CRB1: variants seen among roughly 807,000 people sequenced by gnomAD.
The protein encoded by CRB1 is protein crumbs homolog 1.
A neutral mutation model predicts 120.0 loss-of-function variants in CRB1; 83 were observed. The ratio of observed to expected loss-of-function variants is 0.69; its 90% CI spans 0.58 to 0.83. The LOEUF is 0.83. Ranked by LOEUF, CRB1 falls within the 40% of genes least tolerant of loss-of-function variation. The pLI is 0.00. For synonymous variants in CRB1, 625 were observed against 612.5 expected (o/e 1.02, Z -0.30); for missense variants, 1,699 against 1,687.6 (o/e 1.01, Z -0.12).
intron 1 of CRB1, among the ~76,000 whole-genome samples, chr1:197,278,684 A>G (rs7548481): frequency 0.35 from 52,757 of 151,878 alleles, 11,569 homozygotes; most frequent in East Asian, 0.77. Context: ...TTTGGAACAA[A>G]TAATGTTTTC....
At chr1:197,437,525 A>G (rs1665222991) in intron 9 of CRB1, among the ~76,000 whole-genome samples, 1 of 152,188 alleles carries the variant, frequency 6.6e-6, no homozygotes, top group African/African-American at 2.4e-5. Context: ...AATACCTTCT[A>G]ATGAGATTCA....
the CRB1 span, among the ~76,000 whole-genome samples, chr1:197,240,072 T>A: frequency 6.6e-6 from 1 of 151,990 alleles, no homozygotes; most frequent in Non-Finnish European, 1.5e-5. Context: ...GTCAGTGTTA[T>A]AATTTTTGCT....
chr1:197,208,833 G>A, the CRB1 span, among the ~76,000 whole-genome samples: 2 of 152,180 alleles, frequency 1.3e-5, no homozygotes, highest in South Asian at 2.1e-4. Flanking sequence ...AGGGCAGGTA[G>A]AGAAAGACCA....
intron 1 of CRB1, among the ~76,000 whole-genome samples, chr1:197,313,913 T>C (rs2125277435): frequency 6.6e-6 from 1 of 152,296 alleles, no homozygotes; most frequent in African/African-American, 2.4e-5. Flanking sequence ...AAGTCTTTAA[T>C]CTATTTTGAG....
intron 5 of CRB1, among the ~76,000 whole-genome samples, chr1:197,408,481 C>T (rs143638392): frequency 3.9e-5 from 6 of 152,210 alleles, no homozygotes; most frequent in Admixed American, 6.5e-5. Flanking sequence ...CCTTGAATGT[C>T]GGGCCTTACC....
intron 5 of CRB1, among the ~76,000 whole-genome samples, chr1:197,378,501 C>T (rs1356061782): frequency 6.6e-6 from 1 of 152,122 alleles, no homozygotes; most frequent in African/African-American, 2.4e-5. Flanking sequence ...GTAAAGGATT[C>T]TCATATCCAA....
intron 4 of CRB1, among the ~76,000 whole-genome samples, chr1:197,353,275 A>C (rs76767092): frequency 0.02 from 3,082 of 152,308 alleles, 90 homozygotes; most frequent in African/African-American, 0.066. Context: ...GTTTTCTAGA[A>C]GAGAGAAAAA....
intron 11 of CRB1, among the ~76,000 whole-genome samples, chr1:197,460,813 G>A (rs1183088285): frequency 2.0e-5 from 3 of 152,036 alleles, no homozygotes; most frequent in African/African-American, 7.2e-5. Flanking sequence ...TTTCTTAATT[G>A]TAAAATAAGT....
chr1:197,459,251 G>C (rs1014522086), intron 11 of CRB1, among the ~76,000 whole-genome samples: 1 of 152,074 alleles, frequency 6.6e-6, no homozygotes, highest in African/African-American at 2.4e-5. Flanking sequence ...CTGTGATTTA[G>C]GTATATGCCA....
At chr1:197,432,397 CACACACAT>C (rs1228820150) in intron 8 of CRB1, among the ~76,000 whole-genome samples, 46 of 126,528 alleles carry the variant, frequency 3.6e-4, no homozygotes, top group East Asian at 1.3e-3. Context: ...CACACACACA[CACACACAT>C]AGTAAAAAAC....
intron 11 of CRB1, 131 bp from the exon 12 acceptor site, chr1:197,477,533 T>G (rs1667247333): frequency 1.3e-6 from 1 of 772,150 alleles, no homozygotes; most frequent in Admixed American, 2.0e-5. Flanking sequence ...TTTTAATACC[T>G]TGGTCTTTTT....
At chr1:197,411,212 C>T (rs900003555) in intron 5 of CRB1, among the ~76,000 whole-genome samples, 3 of 152,066 alleles carry the variant, frequency 2.0e-5, no homozygotes, top group African/African-American at 7.2e-5. Flanking sequence ...AAAAATATTT[C>T]GAGTTCAAAT....
At chr1:197,325,984 G>C (rs1337407492) in intron 1 of CRB1, among the ~76,000 whole-genome samples, 1 of 152,110 alleles carries the variant, frequency 6.6e-6, no homozygotes, top group African/African-American at 2.4e-5. Flanking sequence ...GAGCTAGGGA[G>C]AGAATTAAGT....
intron 6 of CRB1, among the ~76,000 whole-genome samples, chr1:197,425,660 T>C (rs1040706246): frequency 1.3e-5 from 2 of 152,080 alleles, no homozygotes; most frequent in Non-Finnish European, 2.9e-5. Flanking sequence ...AATTAAACAC[T>C]CCCTCCTCCT....
intron 8 of CRB1, among the ~76,000 whole-genome samples, chr1:197,432,637 C>T (rs1222633792): frequency 6.6e-6 from 1 of 152,066 alleles, no homozygotes; most frequent in African/African-American, 2.4e-5. Flanking sequence ...AACCTAGACA[C>T]AGAGGATCCT....
At chr1:197,433,409 A>T (rs1664971215) in intron 8 of CRB1, among the ~76,000 whole-genome samples, 1 of 152,100 alleles carries the variant, frequency 6.6e-6, no homozygotes, top group Non-Finnish European at 1.5e-5. Context: ...GAAAAGTGTG[A>T]TACAATAAAA....
intron 5 of CRB1, among the ~76,000 whole-genome samples, chr1:197,377,118 C>G (rs1288989119): frequency 6.6e-6 from 1 of 152,004 alleles, no homozygotes; most frequent in African/African-American, 2.4e-5. Flanking sequence ...CTCTCTGCAC[C>G]CCAACACATA....
chr1:197,378,820 A>G (rs189888231), intron 5 of CRB1, among the ~76,000 whole-genome samples: 10 of 152,312 alleles, frequency 6.6e-5, no homozygotes, highest in Non-Finnish European at 1.0e-4. Context: ...TTGAAGTATC[A>G]CACACAGATA....
the CRB1 span, among the ~76,000 whole-genome samples, chr1:197,260,401 C>T: frequency 6.6e-6 from 1 of 151,612 alleles, no homozygotes. Flanking sequence ...AAATGTATTC[C>T]ATGTGGGTTA....
Sources: gnomAD v4.1 joint callset for allele counts (sites outside exome capture counted in the v4.1 genomes callset) on GRCh38, gnomAD v4.1.1 for gene constraint, MANE v1.5 for transcripts, NCBI Gene and HGNC (gene_info 2026-07-23, HGNC 2026-07-21) for gene names.